The following PHLPP2 variants were observed in gnomAD, a reference collection of about 807,000 sequenced individuals.
PHLPP2 encodes PH domain and leucine rich repeat protein phosphatase 2, also known as PH domain leucine-rich repeat-containing protein phosphatase 2.
PHLPP2 carries 66 observed loss-of-function variants against 124.9 expected under a neutral mutation model. That is an observed-to-expected ratio of 0.53 (90% CI 0.43 to 0.65). PHLPP2 has a LOEUF of 0.65. PHLPP2 is among the 30% of genes least tolerant of loss of function. The pLI is 0.00. For synonymous variants in PHLPP2, 681 were observed against 624.7 expected (o/e 1.09, Z -1.34); for missense variants, 1,685 against 1,600.4 (o/e 1.05, Z -0.90).
chr16:71,667,406 A>G (rs1289555087), intron 11 of PHLPP2, 73 bp from the exon 12 acceptor site: 2 of 1,169,180 alleles, frequency 1.7e-6, no homozygotes, highest in Non-Finnish European at 2.4e-6. Context: ...GTCCTAGCCT[A>G]TTTAACTGAA....
At position 71,645,119 on chromosome 16, in the gene PHLPP2, C is replaced by A. The variant is rs976769586; in HGVS notation, c.*3771G>T. The A allele has an allele frequency of 4.8e-6, 1 of 208,056 alleles. No individual in the cohort carries two copies. The highest frequency in any genetic ancestry group is 9.8e-6 in the Non-Finnish European group (1 of 102,260). The allele number at this position is 208,056 out of a possible 1,614,324, so 12.9% of individuals were successfully genotyped here. ...CAATACGACAATGATTGCACAAAAC[C>A]GTAAGATATGAGCCCACTGTCTGGA... On this transcript the variant is annotated 3_prime_UTR_variant, in exon 19 of 19. Transcript: ENST00000568954.
chr16:71,698,037 C>CAA, intron 3 of PHLPP2, among the ~76,000 whole-genome samples: 2 of 151,964 alleles, frequency 1.3e-5, no homozygotes, highest in African/African-American at 4.8e-5. Flanking sequence ...TTAGTAGAGA[C>CAA]GGGGTTTCAC....
chr16:71,708,526 T>G (rs1485819223), intron 2 of PHLPP2, among the ~76,000 whole-genome samples: 2 of 152,222 alleles, frequency 1.3e-5, no homozygotes, highest in Non-Finnish European at 2.9e-5. Context: ...AAAGCTTTAT[T>G]GCTCACACAA....
chr16:71,702,680 G>C lies in PHLPP2; in HGVS notation c.336C>G (p.Ser112=). 1 of 1,610,574 alleles carries C rather than the reference G, an allele frequency of 6.2e-7. No individual in the cohort carries two copies. Among genetic ancestry groups the C allele is most frequent in the African/African-American group, 1.3e-5 (1 of 74,900 alleles). The part of the protein sequence containing the change: ...RPLQIVYDYL[S]RLGFDDPVRI... ...GCACAGGATCATCAAATCCCAGCCT[G>C]GATAAGTAATCATAAACGATCTGAA... The change falls in exon 3 of 19, where the codon TCC becomes TCG. Residue 112 remains serine (S), a synonymous_variant. Coordinates refer to ENST00000568954, the MANE Select transcript of PHLPP2 (RefSeq NM_015020.3).
Position 71,655,419 on chromosome 16 carries a change from T to C in PHLPP2, c.2406A>G (p.Ala802=), listed in dbSNP as rs748103536. Reference sequence around the variant, plus strand: ...CCTCTGCAAAGCTATCCATAGCAAGTGCTGAGACACACAGCCTATAATAGA... The same window carrying C: ...CCTCTGCAAAGCTATCCATAGCAAGCGCTGAGACACACAGCCTATAATAGA... ...AGQRNKLCVS[A]LAMDSFAEGV... The change falls in exon 17 of 19, where the codon GCA becomes GCG. Residue 802 remains alanine, a synonymous_variant. Coordinates refer to ENST00000568954, the MANE Select transcript of PHLPP2 (RefSeq NM_015020.3). The C allele has an allele frequency of 4.5e-5, 72 of 1,613,292 alleles. No individual in the cohort carries two copies. Among genetic ancestry groups the C allele is most frequent in the Non-Finnish European group, 5.9e-5 (70 of 1,179,554 alleles).
intron 12 of PHLPP2, 60 bp from the exon 13 acceptor site, chr16:71,664,159 G>A: frequency 1.8e-6 from 2 of 1,138,968 alleles, no homozygotes; most frequent in South Asian, 2.5e-5. Context: ...TTCCTATATA[G>A]AAACCATCAT....
rs898365749 is a variant in PHLPP2 at position 71,680,644 on chromosome 16, G to A, written c.890+1107C>T. 3.3e-5 allele frequency among the ~76,000 whole-genome samples: 5 copies of A among 152,214 alleles called. No individual in the cohort carries two copies. In the South Asian group the frequency reaches 1.0e-3, roughly 32 times the overall value. ...TACAAGTGCAAGATGGTAAGGCTGA[G>A]ATGTTCTCCATGATGATGATCTATC... On this transcript the variant is annotated intron_variant, in intron 6 of 18. Transcript: ENST00000568954.
chr16:71,697,504 A>G (rs1198836658), intron 3 of PHLPP2, among the ~76,000 whole-genome samples: 2 of 152,214 alleles, frequency 1.3e-5, no homozygotes, highest in African/African-American at 4.8e-5. Flanking sequence ...AGATTTTGAT[A>G]AACAATAGTA....
Position 71,645,796 on chromosome 16 carries a change from A to G in PHLPP2, c.*3094T>C, listed in dbSNP as rs1339639523. The G allele has an allele frequency of 1.2e-4, 19 of 152,946 alleles. No individual in the cohort carries two copies. 9.5% of individuals were successfully genotyped at this position (152,946 alleles called of 1,614,324 possible). A position where few individuals can be genotyped will look rare whatever the true frequency, so the allele number is the denominator to read the frequency against. ...CAGTAGTACAATAAAGCCCTGTATCAGGAGTGGTAATTCAATGACTTGACT... is the reference window on the plus strand; with the variant it reads ...CAGTAGTACAATAAAGCCCTGTATCGGGAGTGGTAATTCAATGACTTGACT... On this transcript the variant is annotated 3_prime_UTR_variant, in exon 19 of 19. Coordinates refer to ENST00000568954, the MANE Select transcript of PHLPP2 (RefSeq NM_015020.3).
intron 17 of PHLPP2, among the ~76,000 whole-genome samples, chr16:71,653,920 G>C (rs1422597697): frequency 6.6e-6 from 1 of 152,210 alleles, no homozygotes; most frequent in East Asian, 1.9e-4. Context: ...AATTAGCCTG[G>C]TGCAGTGGCT....
intron 3 of PHLPP2, among the ~76,000 whole-genome samples, chr16:71,693,138 T>C (rs1179334991): frequency 6.6e-6 from 1 of 151,980 alleles, no homozygotes; most frequent in Non-Finnish European, 1.5e-5. Flanking sequence ...AATACAAAAA[T>C]TAGCCAGGCA....
intron 17 of PHLPP2, chr16:71,654,955 C>T: frequency 3.4e-6 from 1 of 291,806 alleles, no homozygotes; most frequent in East Asian, 5.8e-5. Context: ...TCAAAATGTA[C>T]AACCACATAT....
chr16:71,716,652 T>A (rs768683919), intron 1 of PHLPP2, among the ~76,000 whole-genome samples: 5 of 152,094 alleles, frequency 3.3e-5, no homozygotes, highest in Admixed American at 1.3e-4. Context: ...CACCTCCAAC[T>A]ACCTGCAGCT....
intron 2 of PHLPP2, among the ~76,000 whole-genome samples, chr16:71,711,773 T>G (rs1340935045): frequency 6.6e-6 from 1 of 152,238 alleles, no homozygotes; most frequent in Non-Finnish European, 1.5e-5. Flanking sequence ...GATAATGCCT[T>G]AGATTGTCAA....
intron 17 of PHLPP2, among the ~76,000 whole-genome samples, chr16:71,654,160 A>G (rs1424926157): frequency 1.4e-5 from 2 of 140,332 alleles, no homozygotes; most frequent in Admixed American, 1.6e-4. Flanking sequence ...GCACTACTGC[A>G]CTCCAGCCTG....
At position 71,679,465 on chromosome 16, in the gene PHLPP2, T is replaced by C. The variant is rs762696263; in HGVS notation, c.961A>G (p.Ile321Val). The C allele has an allele frequency of 6.2e-7, 1 of 1,613,450 alleles. No individual in the cohort carries two copies. Among genetic ancestry groups the C allele is most frequent in the Admixed American group, 1.7e-5 (1 of 59,994 alleles). Residue 321 changes from isoleucine (I) to valine (V), a missense_variant, in exon 7 of 19, where the codon ATC (isoleucine) becomes GTC (valine). Coordinates refer to ENST00000568954, the MANE Select transcript of PHLPP2 (RefSeq NM_015020.3). ...AGGTTGAGCTCAGTCAGGGTAGAGA[T>C]CTCGCATAACAATATAGGAAACAAC... ...LGLFPILLCE[I>V]STLTELNLSC...
At chr16:71,673,778 A>G (rs999173043) in intron 9 of PHLPP2, among the ~76,000 whole-genome samples, 1 of 152,166 alleles carries the variant, frequency 6.6e-6, no homozygotes, top group Non-Finnish European at 1.5e-5. Context: ...CACATTAAGG[A>G]TAGGGATGGG....
chr16:71,712,883 GT>G (rs2045332886), intron 2 of PHLPP2, among the ~76,000 whole-genome samples: 1 of 152,120 alleles, frequency 6.6e-6, no homozygotes, highest in Non-Finnish European at 1.5e-5. Context: ...TTTGAATTCT[GT>G]TTCAAGACAC....
intron 1 of PHLPP2, among the ~76,000 whole-genome samples, chr16:71,718,537 G>A (rs942323561): frequency 4.7e-5 from 7 of 149,540 alleles, no homozygotes; most frequent in African/African-American, 9.9e-5. Context: ...CCGAGATTGC[G>A]CCACTGCAAT....
Sources: gnomAD v4.1 joint callset for allele counts (sites outside exome capture counted in the v4.1 genomes callset) on GRCh38, gnomAD v4.1.1 for gene constraint, MANE v1.5 for transcripts, NCBI Gene and HGNC (gene_info 2026-07-23, HGNC 2026-07-21) for gene names.